Variants in TRAF5 observed in about 807,000 individuals in gnomAD.
TRAF5 encodes the protein TNF receptor-associated factor 5.
In TRAF5, 48 loss-of-function variants were observed where a neutral mutation model predicts 64.5. The ratio of observed to expected loss-of-function variants is 0.74; its 90% CI spans 0.59 to 0.95. The LOEUF (loss-of-function observed/expected upper bound fraction) is 0.95. Ranked by LOEUF, TRAF5 falls within the 40% of genes least tolerant of loss-of-function variation. The pLI, the probability that TRAF5 is intolerant of heterozygous loss-of-function variation, is 0.00. For synonymous variants in TRAF5, 206 were observed against 240.5 expected (o/e 0.86, Z 1.33); for missense variants, 545 against 662.8 (o/e 0.82, Z 1.95).
At chr1:211,326,666 T>C, upstream of TRAF5, 1 of 985,970 alleles carries the variant, frequency 1.0e-6, no homozygotes, top group Non-Finnish European at 1.2e-6. The surrounding 1 kb of genome is among the most constrained non-coding windows in gnomAD (Gnocchi z 5.0). Context: ...CTAACGGTTC[T>C]GAAGCGGGTA....
chr1:211,372,700 T>C lies in TRAF5; in HGVS notation c.1672T>C (p.Ter558GlnextTer21), dbSNP rs755581465. 1.9e-6 allele frequency: 3 copies of C among 1,611,616 alleles called. No individual in the cohort carries two copies. The South Asian group carries it at 3.3e-5, about 18-fold the overall frequency. The change falls in exon 11 of 11, where the codon TAG becomes CAG. Residue 558 changes from the stop codon to glutamine (Q), a stop_lost. Transcript: ENST00000261464. ...AVDLTDLEDL[*>Q] is the part of the protein sequence containing the mutation. The stretch of plus-strand genomic sequence containing the variant: ...GGACTTAACTGACCTGGAGGATCTC[T>C]AGTCACTGTTATGGGGTGATAAGAG...
intron 3 of TRAF5, among the ~76,000 whole-genome samples, chr1:211,355,078 C>G (rs1324920627): frequency 6.6e-6 from 1 of 151,714 alleles, no homozygotes; most frequent in South Asian, 2.1e-4. Flanking sequence ...GAGGCCGAGG[C>G]ACAAGAATCG....
chr1:211,337,057 C>A (rs887635168), intron 1 of TRAF5, among the ~76,000 whole-genome samples: 1 of 152,236 alleles, frequency 6.6e-6, no homozygotes, highest in South Asian at 2.1e-4. Flanking sequence ...TGTGTTGGGA[C>A]TTCAGTACCC....
intron 8 of TRAF5, among the ~76,000 whole-genome samples, chr1:211,365,788 TG>T (rs1703333987): frequency 6.6e-6 from 1 of 152,246 alleles, no homozygotes; most frequent in Non-Finnish European, 1.5e-5. Context: ...GTACTCCCCA[TG>T]GTATACCATA....
intron 1 of TRAF5, among the ~76,000 whole-genome samples, chr1:211,337,029 G>T (rs1431663599): frequency 6.6e-6 from 1 of 152,218 alleles, no homozygotes; most frequent in East Asian, 1.9e-4. Context: ...GCTGCACCTG[G>T]CCACGTGCAC....
upstream of TRAF5, chr1:211,326,760 C>G: frequency 2.0e-6 from 2 of 984,790 alleles, no homozygotes; most frequent in Non-Finnish European, 2.4e-6. The surrounding 1 kb of genome is among the most constrained non-coding windows in gnomAD (Gnocchi z 5.0). Flanking sequence ...TGCGCCCGCC[C>G]GCGCCCCTCC....
chr1:211,368,507 TG>T (rs1703424811), intron 8 of TRAF5, among the ~76,000 whole-genome samples: 1 of 152,148 alleles, frequency 6.6e-6, no homozygotes. Context: ...TGGTGTGTGC[TG>T]GGGGTAGAAT....
chr1:211,371,212 T>C, intron 9 of TRAF5, 90 bp from the exon 10 acceptor site: 2 of 1,168,296 alleles, frequency 1.7e-6, no homozygotes, highest in East Asian at 2.7e-5. Flanking sequence ...TTAAATGTGA[T>C]ATGTTTGAAT....
intron 7 of TRAF5, among the ~76,000 whole-genome samples, chr1:211,362,258 G>A (rs1318128269): frequency 2.6e-5 from 4 of 152,146 alleles, no homozygotes; most frequent in Non-Finnish European, 5.9e-5. Context: ...GTGGAGCAAA[G>A]TTTTAGGCAT....
At chr1:211,360,911 G>C in intron 6 of TRAF5, 132 bp downstream of exon 6, 1 of 994,608 alleles carries the variant, frequency 1.0e-6, no homozygotes, top group Admixed American at 2.1e-5. Context: ...TGACGTATCT[G>C]TCTTCCCTTC....
chr1:211,367,732 G>C (rs1352303296), intron 8 of TRAF5, among the ~76,000 whole-genome samples: 1 of 152,206 alleles, frequency 6.6e-6, no homozygotes, highest in East Asian at 1.9e-4. Context: ...TTTTGGTCAG[G>C]CAGGTAGGTG....
chr1:211,330,240 C>A (rs990991208), intron 1 of TRAF5, among the ~76,000 whole-genome samples: 1 of 151,156 alleles, frequency 6.6e-6, no homozygotes, highest in African/African-American at 2.5e-5. Flanking sequence ...AGTGACAGAG[C>A]CCAGTGAGTG....
chr1:211,356,483 T>A lies in TRAF5; in HGVS notation c.378+15T>A. 1.2e-6 allele frequency: 2 copies of A among 1,610,776 alleles called. No individual in the cohort carries two copies. The highest frequency in any genetic ancestry group is 2.7e-5 in the African/African-American group (2 of 75,000). On this transcript the variant is annotated intron_variant, in intron 4 of 10. Transcript: ENST00000261464. ...GCCGGTACCAGGTTGGTATTACTCA[T>A]GAACGATATCTGCTTTTGCCATTTT...
At chr1:211,328,584 G>C (rs1702079310) in intron 1 of TRAF5, among the ~76,000 whole-genome samples, 1 of 151,984 alleles carries the variant, frequency 6.6e-6, no homozygotes, top group Non-Finnish European at 1.5e-5. Context: ...GCCGTCCACT[G>C]AACGTCCTGA....
chr1:211,345,472 C>A (rs1702578172), intron 1 of TRAF5, among the ~76,000 whole-genome samples: 1 of 151,996 alleles, frequency 6.6e-6, no homozygotes, highest in Non-Finnish European at 1.5e-5. Context: ...CCGATCCTAG[C>A]AGGAGAGCAT....
Position 211,335,982 on chromosome 1 carries a change from T to A in TRAF5, c.-2+9093T>A, listed in dbSNP as rs1418912032. On this transcript the variant is annotated intron_variant, in intron 1 of 10. Transcript: ENST00000261464. ...TGGTCTGGTCTGATGATCTCTGTTT[T>A]TTTTTGCTGTGCAGTAAGGAAGTAG... is the stretch of plus-strand genomic sequence containing the variant. 3.3e-5 allele frequency among the ~76,000 whole-genome samples: 5 copies of A among 152,022 alleles called. No homozygotes were observed. In the East Asian group the frequency reaches 9.6e-4, roughly 29 times the overall value.
intron 1 of TRAF5, among the ~76,000 whole-genome samples, chr1:211,339,262 A>C (rs975581881): frequency 3.2e-4 from 48 of 152,298 alleles, no homozygotes; most frequent in Admixed American, 8.5e-4. Context: ...TGCAGGCTGG[A>C]AATTACTAGT....
chr1:211,359,290 G>A (rs1176055000), intron 4 of TRAF5: 1 of 152,134 alleles, frequency 6.6e-6, no homozygotes, highest in African/African-American at 2.4e-5. Flanking sequence ...AATATTTCCT[G>A]ACTTTACCAG....
chr1:211,332,285 G>C (rs1572050597), intron 1 of TRAF5, among the ~76,000 whole-genome samples: 1 of 152,228 alleles, frequency 6.6e-6, no homozygotes, highest in Non-Finnish European at 1.5e-5. Context: ...GCTCTGGCTT[G>C]ATAGCCAGGA....
Sources: allele counts gnomAD v4.1 joint callset (sites outside exome capture counted in the v4.1 genomes callset), GRCh38; gene constraint gnomAD v4.1.1; non-coding constraint Gnocchi (gnomAD v3.1); transcripts MANE v1.5; gene names NCBI Gene and HGNC (gene_info 2026-07-23, HGNC 2026-07-21).